The following B4GALNT3 variants were observed in gnomAD, a reference collection of about 807,000 sequenced individuals.
B4GALNT3 encodes the protein beta-1,4-N-acetyl-galactosaminyltransferase 3.
B4GALNT3 carries 86 observed loss-of-function variants against 120.2 expected under a neutral mutation model. That is an observed-to-expected ratio of 0.72 (90% CI 0.60 to 0.86). The LOEUF is 0.86. Among genes scored for constraint, B4GALNT3 ranks in the 40% least tolerant of loss-of-function variants. The probability of loss-of-function intolerance (pLI) is 0.00; values close to 1 mark genes in which losing one functional copy is unlikely to be tolerated. For synonymous variants in B4GALNT3, 518 were observed against 510.4 expected (o/e 1.01, Z -0.20); for missense variants, 1,167 against 1,298.9 (o/e 0.90, Z 1.56).
chr12:489,173 T>TG (rs34088352), intron 1 of B4GALNT3, among the ~76,000 whole-genome samples: 1 of 10,382 alleles, frequency 9.6e-5, no homozygotes, highest in Admixed American at 1.5e-3. Context: ...GGGGTTGGGG[T>TG]GGGGGGGCAA....
chr12:481,330 A>G (rs1477721623), intron 1 of B4GALNT3, among the ~76,000 whole-genome samples: 2 of 152,214 alleles, frequency 1.3e-5, no homozygotes, highest in Non-Finnish European at 2.9e-5. Context: ...AAGCTAGCAC[A>G]TCAAGCTCTC....
At chr12:484,300 T>TA (rs1946269916) in intron 1 of B4GALNT3, among the ~76,000 whole-genome samples, 1 of 152,158 alleles carries the variant, frequency 6.6e-6, no homozygotes, top group Admixed American at 6.5e-5. Context: ...ATGTAAGAGA[T>TA]ACGAAGTACC....
rs1432045505 is a variant in B4GALNT3 at position 545,400 on chromosome 12, C to A, written c.570C>A (p.Asp190Glu). ...TCCAGTTTGCCATTGCTGCAGATGA[C>A]AACGCGGAGTTCTGGCTGAGCCTCG... is the stretch of plus-strand genomic sequence containing the variant. Reference protein sequence around the residue: ...GKIQFAIAADDNAEFWLSLDD... With the variant: ...GKIQFAIAADENAEFWLSLDD... Residue 190 changes from aspartate (D) to glutamate (E), a missense_variant, in exon 6 of 20, where the codon GAC becomes GAA. Around this residue, in one of 3 missense-constraint regions of B4GALNT3, gnomAD observed 983 missense variants for 1,102.5 expected, o/e 0.89. Coordinates refer to ENST00000266383, the MANE Select transcript of B4GALNT3 (RefSeq NM_173593.4). 6.2e-7 allele frequency: 1 copy of A among 1,612,082 alleles called. No individual in the cohort carries two copies. Among genetic ancestry groups the A allele is most frequent in the Non-Finnish European group, 8.5e-7 (1 of 1,179,566 alleles).
chr12:500,865 C>CCTTTTTTTTTTTTTTTTTTTTTTTT (rs2043817132), intron 1 of B4GALNT3, among the ~76,000 whole-genome samples: 1 of 61,830 alleles, frequency 1.6e-5, no homozygotes, highest in African/African-American at 7.5e-5. Flanking sequence ...GGCTCCACTG[C>CCTTTTTTTTTTTTTTTTTTTTTTTT]TTTTTTTTTT....
rs1429029280 is a variant in B4GALNT3, at chr12:556,028, C to T, written c.2061-519C>T. On this transcript the variant is annotated intron_variant, in intron 14 of 19. Coordinates refer to ENST00000266383, the MANE Select transcript of B4GALNT3 (RefSeq NM_173593.4). ...TTGATCTCCTGACCTTGTGATCCAC[C>T]TGCCTTGGCCTCCCAAAATGCTGGG... Among the ~76,000 whole-genome samples the T allele has an allele frequency of 7.9e-5, 12 of 152,104 alleles. No individual in the cohort carries two copies. The East Asian group carries it at 2.1e-3, about 27-fold the overall frequency.
At chr12:540,728 T>G (rs1406389359) in intron 3 of B4GALNT3, among the ~76,000 whole-genome samples, 5 of 151,484 alleles carry the variant, frequency 3.3e-5, no homozygotes, top group Admixed American at 6.6e-5. Context: ...GCTTCAGAGG[T>G]TTTTTTTCTT....
Position 460,742 on chromosome 12 carries a change from C to G in B4GALNT3, c.169+197C>G, listed in dbSNP as rs964680834. ...GCCGCGGGGCCGAGCGCAGAATTCC[C>G]GAGCCCGGGCCTGCCCGCCGGCCAC... On this transcript the variant is annotated intron_variant, in intron 1 of 19. Transcript: ENST00000266383. This position sits in a 1 kb window ranked among gnomAD's most constrained non-coding sequence, Gnocchi z 8.0. Among the ~76,000 whole-genome samples, 2 of 152,086 alleles carry G rather than the reference C, an allele frequency of 1.3e-5. No homozygotes were observed. The highest frequency in any genetic ancestry group is 1.5e-5 in the Non-Finnish European group (1 of 68,004).
At chr12:482,016 C>G (rs1946247532) in intron 1 of B4GALNT3, among the ~76,000 whole-genome samples, 1 of 152,076 alleles carries the variant, frequency 6.6e-6, no homozygotes, top group African/African-American at 2.4e-5. Context: ...CCAAATCGTT[C>G]TGGGTTTATA....
chr12:543,556 T>C (rs76534821), intron 3 of B4GALNT3, among the ~76,000 whole-genome samples: 2 of 80,538 alleles, frequency 2.5e-5, no homozygotes, highest in African/African-American at 5.8e-5. Context: ...CTCATCCTCC[T>C]GGAACTGAGG....
At chr12:541,704 T>G (rs1456136780) in intron 3 of B4GALNT3, among the ~76,000 whole-genome samples, 1 of 152,116 alleles carries the variant, frequency 6.6e-6, no homozygotes, top group Non-Finnish European at 1.5e-5. Context: ...CTTCCCACAC[T>G]GCCAGCCTCT....
At chr12:482,499 A>T (rs1946251178) in intron 1 of B4GALNT3, among the ~76,000 whole-genome samples, 1 of 152,232 alleles carries the variant, frequency 6.6e-6, no homozygotes, top group Non-Finnish European at 1.5e-5. Flanking sequence ...TAGGACAGTC[A>T]TCCCTTCATT....
In B4GALNT3 at chr12:478,282, G is replaced by GT. The variant is rs888497692; in HGVS notation, c.169+17738dup. 2.0e-4 allele frequency among the ~76,000 whole-genome samples: 20 copies of GT among 98,772 alleles called. 1 individual carries two copies. The highest frequency in any genetic ancestry group is 6.4e-4 in the African/African-American group (15 of 23,284). 64.8% of individuals were successfully genotyped at this position (98,772 alleles called of 152,430 possible). ...AAAAAAAAAAAAAAAATTAGAGGAG[G>GT]TAAAAAAAAAAAAAATATTCAAGCC... On this transcript the variant is annotated intron_variant, in intron 1 of 19. Transcript: ENST00000266383.
intron 1 of B4GALNT3, among the ~76,000 whole-genome samples, chr12:494,925 G>T (rs1389181953): frequency 1.3e-5 from 2 of 152,194 alleles, no homozygotes; most frequent in Non-Finnish European, 2.9e-5. Flanking sequence ...AATGTGAAAA[G>T]CCTCTACCCC....
At chr12:508,350 G>A (rs1946517516) in intron 1 of B4GALNT3, among the ~76,000 whole-genome samples, 1 of 152,070 alleles carries the variant, frequency 6.6e-6, no homozygotes, top group Non-Finnish European at 1.5e-5. Context: ...TGCAATCATG[G>A]CTTACTGCAG....
intron 1 of B4GALNT3, among the ~76,000 whole-genome samples, chr12:521,642 G>T (rs71447492): frequency 6.6e-6 from 1 of 152,108 alleles, no homozygotes; most frequent in African/African-American, 2.4e-5. Context: ...ACACAATCCC[G>T]GTATGCGGCT....
intron 1 of B4GALNT3, among the ~76,000 whole-genome samples, chr12:518,837 A>T (rs1360038289): frequency 1.3e-5 from 2 of 152,058 alleles, no homozygotes; most frequent in African/African-American, 2.4e-5. Context: ...CGTATTTTTT[A>T]TTTTTATTTT....
chr12:473,207 A>G (rs1406030502), intron 1 of B4GALNT3, among the ~76,000 whole-genome samples: 1 of 148,626 alleles, frequency 6.7e-6, no homozygotes, highest in Non-Finnish European at 1.5e-5. Context: ...GGCTCAAGCA[A>G]TCCTCTTTCC....
chr12:543,003 A>T (rs1317706884), intron 3 of B4GALNT3: 2 of 779,380 alleles, frequency 2.6e-6, no homozygotes, highest in Non-Finnish European at 3.7e-6. Context: ...GAGGAGAGCA[A>T]GTCTTTCCTG....
At chr12:473,373 A>G (rs1320732004) in intron 1 of B4GALNT3, among the ~76,000 whole-genome samples, 1 of 152,176 alleles carries the variant, frequency 6.6e-6, no homozygotes, top group Non-Finnish European at 1.5e-5. Context: ...TGGTTACTGC[A>G]GTGACCGAGA....
Sources: allele counts gnomAD v4.1 joint callset (sites outside exome capture counted in the v4.1 genomes callset), GRCh38; gene constraint gnomAD v4.1.1; regional missense constraint gnomAD v4.1.1; non-coding constraint Gnocchi (gnomAD v3.1); transcripts MANE v1.5; gene names NCBI Gene and HGNC (gene_info 2026-07-23, HGNC 2026-07-21).